The following C11orf54 variants were observed in gnomAD, a reference collection of about 807,000 sequenced individuals.
C11orf54 encodes beta-keto-L-gulonate decarboxylase.
Under a neutral mutation model 35.5 loss-of-function variants are expected in C11orf54, and 29 were observed. That is an observed-to-expected ratio of 0.82 (90% CI 0.61 to 1.11). C11orf54 has a LOEUF of 1.11. Among genes scored for constraint, C11orf54 ranks in the 50% most tolerant of loss-of-function variants. The pLI, the probability that C11orf54 is intolerant of heterozygous loss-of-function variation, is 0.00. For missense variants in C11orf54, 373 were observed against 369.2 expected (o/e 1.01, Z -0.08); for synonymous variants, 108 against 121.1 (o/e 0.89, Z 0.71).
chr11:93,763,761 GA>G lies in C11orf54; in HGVS notation c.*2083del, dbSNP rs947449063. The G allele has an allele frequency of 4.6e-4, 68 of 147,042 alleles. No individual in the cohort carries two copies. Among genetic ancestry groups the G allele is most frequent in the Non-Finnish European group, 8.3e-4 (55 of 66,546 alleles). The allele number at this position is 147,042 out of a possible 1,614,324, so 9.1% of individuals were successfully genotyped here. A position where few individuals can be genotyped will look rare whatever the true frequency, so the allele number is the denominator to read the frequency against. On this transcript the variant is annotated 3_prime_UTR_variant, in exon 9 of 9. Coordinates refer to ENST00000354421, the MANE Select transcript of C11orf54 (RefSeq NM_001286069.2). ...ACACAGTGAGACCCTGTCTCAAAAAGAAAAAAAAAATGACTGATGAAGCCAC... is the reference window on the plus strand; with the variant it reads ...ACACAGTGAGACCCTGTCTCAAAAAGAAAAAAAAATGACTGATGAAGCCAC...
At chr11:93,748,756 A>C (rs1415063750) in intron 2 of C11orf54, among the ~76,000 whole-genome samples, 1 of 151,916 alleles carries the variant, frequency 6.6e-6, no homozygotes, top group Non-Finnish European at 1.5e-5. Context: ...GAATCACTTG[A>C]ACCTGGGAGG....
intron 8 of C11orf54, among the ~76,000 whole-genome samples, chr11:93,760,121 A>G (rs1943379381): frequency 6.6e-6 from 1 of 152,010 alleles, no homozygotes; most frequent in African/African-American, 2.4e-5. Flanking sequence ...TAATTTTTGT[A>G]TATTTAGTAG....
chr11:93,755,198 CT>C lies in C11orf54; in HGVS notation c.331-9del. 2 of 1,612,402 alleles carry C rather than the reference CT, an allele frequency of 1.2e-6. No individual in the cohort carries two copies. Among genetic ancestry groups the C allele is most frequent in the Non-Finnish European group, 1.7e-6 (2 of 1,178,880 alleles). Reference sequence around the variant, plus strand: ...ATACAAAGATTGACTAATTGCCTCACTTTCTTTTCAGTTTATGCCAGTTATT... The same window carrying C: ...ATACAAAGATTGACTAATTGCCTCACTTCTTTTCAGTTTATGCCAGTTATT... On this transcript the variant is annotated splice_polypyrimidine_tract_variant and intron_variant, in intron 5 of 8. Coordinates refer to ENST00000354421, the MANE Select transcript of C11orf54 (RefSeq NM_001286069.2).
intron 3 of C11orf54, 35 bp from the exon 4 acceptor site, chr11:93,753,647 G>A (rs1026097683): frequency 6.3e-7 from 1 of 1,584,226 alleles, no homozygotes; most frequent in Non-Finnish European, 8.7e-7. Flanking sequence ...TGTTTTTAAG[G>A]TGGCTTGTGT....
rs1942246546 is a variant in C11orf54, at chr11:93,743,292, C to T, written c.-98+1564C>T. ...CTGGGAGTACAGGCGTGAATCACCGCGCCCGGCCACATTTGGTATTTCTCT... is the reference window on the plus strand; with the variant it reads ...CTGGGAGTACAGGCGTGAATCACCGTGCCCGGCCACATTTGGTATTTCTCT... On this transcript the variant is annotated intron_variant, in intron 1 of 8. Transcript: ENST00000354421. 5.3e-5 allele frequency among the ~76,000 whole-genome samples: 8 copies of T among 151,998 alleles called. No homozygotes were observed. In the South Asian group the frequency reaches 1.2e-3, roughly 24 times the overall value.
chr11:93,744,533 ATGTT>A (rs1942337802), intron 1 of C11orf54, among the ~76,000 whole-genome samples: 1 of 152,228 alleles, frequency 6.6e-6, no homozygotes, highest in Non-Finnish European at 1.5e-5. Context: ...TTAGTACCCA[ATGTT>A]TGCTTGATAA....
chr11:93,742,605 A>T (rs562007674), intron 1 of C11orf54: 2 of 152,212 alleles, frequency 1.3e-5, no homozygotes, highest in Admixed American at 6.5e-5. Flanking sequence ...TTCTGTTTTC[A>T]TATGATAAAC....
In C11orf54 at chr11:93,763,803, G is replaced by C. The variant is rs1173725094; in HGVS notation, c.*2115G>C. 6.6e-6 allele frequency: 1 copy of C among 152,190 alleles called. No individual in the cohort carries two copies. Among genetic ancestry groups the C allele is most frequent in the East Asian group, 1.9e-4 (1 of 5,178 alleles). The allele number at this position is 152,190 out of a possible 1,614,324, so 9.4% of individuals were successfully genotyped here. A position where few individuals can be genotyped will look rare whatever the true frequency, so the allele number is the denominator to read the frequency against. ...ATGAAGCCACACACACACCAACAGA[G>C]TATGAAAGGGTTGTTACTCACATAA... On this transcript the variant is annotated 3_prime_UTR_variant, in exon 9 of 9. Coordinates refer to ENST00000354421, the MANE Select transcript of C11orf54 (RefSeq NM_001286069.2).
chr11:93,760,129 T>C (rs750483653), intron 8 of C11orf54, among the ~76,000 whole-genome samples: 1 of 152,136 alleles, frequency 6.6e-6, no homozygotes, highest in Non-Finnish European at 1.5e-5. Context: ...GTATATTTAG[T>C]AGACGGGGTT....
rs116027710 is a variant in C11orf54 at position 93,753,919 on chromosome 11, T to G, written c.229-17T>G. 2.5e-3 allele frequency: 4,096 copies of G among 1,606,760 alleles called. 68 individuals are homozygous for G. The African/African-American group carries it at 0.045, about 18-fold the overall frequency. On this transcript the variant is annotated splice_polypyrimidine_tract_variant and intron_variant, in intron 4 of 8. Transcript: ENST00000354421. ...GTACAAGTTGTGACTTAAATAATAT[T>G]TTTTCCTCTTCTATAGGTTTATGAT...
intron 7 of C11orf54, 79 bp from the exon 8 acceptor site, chr11:93,759,663 T>C: frequency 1.6e-6 from 1 of 632,716 alleles, no homozygotes; most frequent in Non-Finnish European, 2.4e-6. Context: ...TAATAATAAA[T>C]AAGTAAAATA....
intron 6 of C11orf54, among the ~76,000 whole-genome samples, chr11:93,755,765 A>G (rs1255767406): frequency 6.6e-6 from 1 of 151,680 alleles, no homozygotes; most frequent in Non-Finnish European, 1.5e-5. Flanking sequence ...AAAAAAAAAA[A>G]AAAAGAAAAT....
intron 3 of C11orf54, among the ~76,000 whole-genome samples, chr11:93,752,797 G>C (rs2135622254): frequency 7.3e-6 from 1 of 137,664 alleles, no homozygotes; most frequent in Middle Eastern, 4.7e-3. Context: ...CACCCAGGCT[G>C]GAGTGCAGTG....
intron 1 of C11orf54, chr11:93,741,941 C>G (rs1565250211): frequency 1.1e-5 from 2 of 180,996 alleles, no homozygotes; most frequent in African/African-American, 4.8e-5. Flanking sequence ...TTTTGTAATC[C>G]TTTGTCTATT....
At chr11:93,750,637 G>A (rs1000181338) in intron 3 of C11orf54, among the ~76,000 whole-genome samples, 193 bp downstream of exon 3, 6 of 152,136 alleles carry the variant, frequency 3.9e-5, no homozygotes, top group African/African-American at 1.4e-4. Context: ...TGTGGAAAAG[G>A]ATTGTGTTTT....
intron 2 of C11orf54, among the ~76,000 whole-genome samples, chr11:93,749,703 T>G (rs966415126): frequency 6.6e-6 from 1 of 152,116 alleles, no homozygotes; most frequent in African/African-American, 2.4e-5. Context: ...CATTAATAAC[T>G]TTGAGACACC....
chr11:93,756,620 T>TA lies in C11orf54; in HGVS notation c.508-695dup, dbSNP rs199944651. On this transcript the variant is annotated intron_variant, in intron 6 of 8. Transcript: ENST00000354421. ...ACAGCTAAAATAAATAATGCCTACTTACAGGTAGTAAATAGGTTATTTGCT... is the reference window on the plus strand; with the variant it reads ...ACAGCTAAAATAAATAATGCCTACTTAACAGGTAGTAAATAGGTTATTTGCT... Among the ~76,000 whole-genome samples, 865 of 152,286 alleles carry TA rather than the reference T, an allele frequency of 5.7e-3. 13 individuals are homozygous for TA. The highest frequency in any genetic ancestry group is 0.02 in the African/African-American group (819 of 41,556).
intron 2 of C11orf54, among the ~76,000 whole-genome samples, chr11:93,749,362 G>A (rs11020511): frequency 4.0e-5 from 6 of 151,662 alleles, no homozygotes; most frequent in Admixed American, 6.6e-5. Context: ...TCCACCTGTA[G>A]TCCCAGCTAC....
At position 93,741,704 on chromosome 11, in the gene C11orf54, G is replaced by C; in HGVS notation, c.-122G>C. The C allele has an allele frequency of 1.1e-5, 4 of 355,676 alleles. No individual in the cohort carries two copies. The highest frequency in any genetic ancestry group is 8.3e-5 in the South Asian group (4 of 48,040). The allele number at this position is 355,676 out of a possible 1,614,324, so 22.0% of individuals were successfully genotyped here. A position where few individuals can be genotyped will look rare whatever the true frequency, so the allele number is the denominator to read the frequency against. ...GCCTAGGCGAAGATCCGGACTCTGG[G>C]TGTTTTGCTACCGTGACCGTTTAGG... On this transcript the variant is annotated 5_prime_UTR_variant, in exon 1 of 9. Coordinates refer to ENST00000354421, the MANE Select transcript of C11orf54 (RefSeq NM_001286069.2).
Sources: allele counts gnomAD v4.1 joint callset (sites outside exome capture counted in the v4.1 genomes callset), GRCh38; gene constraint gnomAD v4.1.1; transcripts MANE v1.5; gene names NCBI Gene and HGNC (gene_info 2026-07-23, HGNC 2026-07-21).